The following CCDC146 variants were observed in gnomAD, a reference collection of about 807,000 sequenced individuals.
The protein encoded by CCDC146 is coiled-coil domain containing 146.
Under a neutral mutation model 119.3 loss-of-function variants are expected in CCDC146, and 92 were observed. The observed-to-expected ratio is 0.77, with a 90% CI of 0.65 to 0.92. The LOEUF is 0.92. Among genes scored for constraint, CCDC146 ranks in the 40% least tolerant of loss-of-function variants. The pLI, the probability that CCDC146 is intolerant of heterozygous loss-of-function variation, is 0.00. For missense variants in CCDC146, 1,000 were observed against 1,103.0 expected (o/e 0.91, Z 1.32); for synonymous variants, 372 against 371.8 (o/e 1.00, Z -0.01).
rs1313555372 is a variant in CCDC146 at position 77,190,493 on chromosome 7, G to T, written c.156+22669G>T. 2.6e-5 allele frequency among the ~76,000 whole-genome samples: 4 copies of T among 152,196 alleles called. No individual in the cohort carries two copies. The East Asian group carries it at 7.7e-4, about 29-fold the overall frequency. On this transcript the variant is annotated intron_variant, in intron 2 of 18. Transcript: ENST00000285871. The stretch of plus-strand genomic sequence containing the variant: ...TGAATCTGGAGATGCTGATGAGTGG[G>T]ATGAAGGAGCCTAAGGAAGAATTTG...
chr7:77,233,582 T>A (rs1792676913), intron 2 of CCDC146, among the ~76,000 whole-genome samples: 1 of 152,176 alleles, frequency 6.6e-6, no homozygotes, highest in African/African-American at 2.4e-5. Context: ...GCAGAAGGAA[T>A]GCTTTTGGGA....
chr7:77,173,039 G>A (rs1791446617), intron 2 of CCDC146, among the ~76,000 whole-genome samples: 5 of 151,944 alleles, frequency 3.3e-5, no homozygotes, highest in Non-Finnish European at 2.9e-5. Flanking sequence ...GTTCCATTGA[G>A]AACACATGGA....
At chr7:77,283,738 C>T (rs976746958) in intron 15 of CCDC146, among the ~76,000 whole-genome samples, 3 of 151,922 alleles carry the variant, frequency 2.0e-5, no homozygotes, top group Non-Finnish European at 2.9e-5. Context: ...TTAGATCCCC[C>T]TTTTTTTTAA....
intron 1 of CCDC146, among the ~76,000 whole-genome samples, chr7:77,164,837 C>T (rs796614928): frequency 3.3e-5 from 5 of 152,292 alleles, no homozygotes; most frequent in African/African-American, 1.2e-4. Flanking sequence ...ATGGAACGTG[C>T]TTTCCATGTT....
chr7:77,138,333 T>G (rs1366964165), intron 1 of CCDC146, among the ~76,000 whole-genome samples: 2 of 137,004 alleles, frequency 1.5e-5, no homozygotes, highest in African/African-American at 5.4e-5. Flanking sequence ...GACATGTACA[T>G]GCAAAAAAAA....
intron 2 of CCDC146, among the ~76,000 whole-genome samples, chr7:77,187,732 T>C (rs182765050): frequency 2.0e-5 from 3 of 152,346 alleles, no homozygotes; most frequent in East Asian, 3.9e-4. Flanking sequence ...CTATGACTAT[T>C]GGGAGGATAA....
At chr7:77,173,762 CTT>C (rs1002075347) in intron 2 of CCDC146, among the ~76,000 whole-genome samples, 1 of 151,590 alleles carries the variant, frequency 6.6e-6, no homozygotes, top group Non-Finnish European at 1.5e-5. Context: ...GTACTCCAGA[CTT>C]TTTTTTGTCC....
intron 2 of CCDC146, among the ~76,000 whole-genome samples, chr7:77,184,312 C>A (rs912345596): frequency 6.6e-6 from 1 of 152,186 alleles, no homozygotes; most frequent in Admixed American, 6.5e-5. Flanking sequence ...TCTCTGGAAA[C>A]ACAGTAGGGT....
chr7:77,254,530 A>G lies in CCDC146; in HGVS notation c.474A>G (p.Ile158Met). Residue 158 changes from isoleucine (I) to methionine (M), a missense_variant, in exon 5 of 19, where the codon ATA (isoleucine) becomes ATG (methionine). This residue lies in a region of CCDC146 where 985 missense variants were observed against 1,045.3 expected (regional missense o/e 0.94). Coordinates refer to ENST00000285871, the MANE Select transcript of CCDC146 (RefSeq NM_020879.3). The part of the protein sequence containing the change: ...LNSLKEEKII[I>M]VKEFEKITKP... Reference sequence around the variant, plus strand: ...GCTTAAAGGAAGAAAAAATCATCATAGTAAAAGAATTTGAGAAGATAACAA... The same window carrying G: ...GCTTAAAGGAAGAAAAAATCATCATGGTAAAAGAATTTGAGAAGATAACAA... 1 of 1,546,706 alleles carries G rather than the reference A, an allele frequency of 6.5e-7. No individual in the cohort carries two copies. The highest frequency in any genetic ancestry group is 8.9e-7 in the Non-Finnish European group (1 of 1,124,108).
chr7:77,261,231 A>C (rs1026660761), intron 8 of CCDC146, among the ~76,000 whole-genome samples: 1 of 152,094 alleles, frequency 6.6e-6, no homozygotes, highest in African/African-American at 2.4e-5. Flanking sequence ...CCAAGTATTA[A>C]GCCTAGTACC....
At chr7:77,123,403 GGTGTGTGTGTGTGTGTGTGTGTGTGT>G (rs557580080) in intron 1 of CCDC146, among the ~76,000 whole-genome samples, 3 of 125,256 alleles carry the variant, frequency 2.4e-5, no homozygotes, top group African/African-American at 6.0e-5. Context: ...GACCCTATAA[GGTGTGTGTGTGTGTGTGTGTGTGTGT>G]GTGTGTGTGT....
At chr7:77,252,975 C>G (rs1793105903) in intron 4 of CCDC146, among the ~76,000 whole-genome samples, 1 of 152,158 alleles carries the variant, frequency 6.6e-6, no homozygotes, top group Non-Finnish European at 1.5e-5. Context: ...GAAATATAGT[C>G]CCCCTGTGTG....
At chr7:77,197,359 G>T (rs922231402) in intron 2 of CCDC146, among the ~76,000 whole-genome samples, 2 of 152,236 alleles carry the variant, frequency 1.3e-5, no homozygotes, top group Non-Finnish European at 2.9e-5. Flanking sequence ...TTGACCTTAT[G>T]ATGTAGGCGT....
intron 1 of CCDC146, among the ~76,000 whole-genome samples, chr7:77,123,052 G>A (rs2539396): frequency 0.55 from 71,333 of 129,898 alleles, 20,667 homozygotes; most frequent in Non-Finnish European, 0.6. Flanking sequence ...GGGTTTTTGT[G>A]AGGATCAAGT....
At chr7:77,244,691 CA>C (rs1281249732) in intron 4 of CCDC146, among the ~76,000 whole-genome samples, 1 of 152,182 alleles carries the variant, frequency 6.6e-6, no homozygotes, top group Non-Finnish European at 1.5e-5. Context: ...GATGTTCACA[CA>C]ATGATGAAGT....
At chr7:77,289,064 C>A (rs17151101) in intron 17 of CCDC146, among the ~76,000 whole-genome samples, 35,355 of 144,900 alleles carry the variant, frequency 0.24, 4,532 homozygotes, top group African/African-American at 0.39. Flanking sequence ...ACTTGGCCTC[C>A]CAAACTAAGG....
chr7:77,277,932 T>C (rs1164540041), intron 11 of CCDC146, among the ~76,000 whole-genome samples: 2 of 152,224 alleles, frequency 1.3e-5, no homozygotes, highest in Non-Finnish European at 2.9e-5. Context: ...ACATAACTAG[T>C]GTATTTAGCA....
chr7:77,147,759 G>A (rs758750949), intron 1 of CCDC146, among the ~76,000 whole-genome samples: 4 of 152,326 alleles, frequency 2.6e-5, no homozygotes, highest in South Asian at 2.1e-4. Context: ...CTGCCTGATC[G>A]TTCCTCTGGA....
intron 2 of CCDC146, among the ~76,000 whole-genome samples, chr7:77,234,043 A>G (rs1036296372): frequency 3.3e-5 from 5 of 152,182 alleles, no homozygotes; most frequent in African/African-American, 1.2e-4. Flanking sequence ...GAACAAAACT[A>G]AATACTATCT....
Sources: gnomAD v4.1 joint callset for allele counts (sites outside exome capture counted in the v4.1 genomes callset) on GRCh38, gnomAD v4.1.1 for gene constraint, gnomAD v4.1.1 regional missense constraint, MANE v1.5 for transcripts, NCBI Gene and HGNC (gene_info 2026-07-23, HGNC 2026-07-21) for gene names.